The following CSMD3 variants were observed in gnomAD, a reference collection of about 807,000 sequenced individuals.
The protein encoded by CSMD3 is CUB and sushi domain-containing protein 3.
CSMD3 carries 177 observed loss-of-function variants against 435.2 expected under a neutral mutation model. The observed-to-expected ratio is 0.41, with a 90% CI of 0.36 to 0.46. The LOEUF (loss-of-function observed/expected upper bound fraction) is 0.46. Ranked by LOEUF, CSMD3 falls within the 20% of genes least tolerant of loss-of-function variation. The pLI is 0.34. For synonymous variants in CSMD3, 1,656 were observed against 1,520.5 expected (o/e 1.09, Z -2.07); for missense variants, 4,265 against 4,504.6 (o/e 0.95, Z 1.52).
chr8:113,383,487 A>C (rs772258709), intron 1 of CSMD3, among the ~76,000 whole-genome samples: 6 of 152,178 alleles, frequency 3.9e-5, no homozygotes, highest in Non-Finnish European at 8.8e-5. Context: ...AGCCTGGTTG[A>C]GTGGAAAGAG....
chr8:112,962,732 T>C (rs2084276877), intron 7 of CSMD3, among the ~76,000 whole-genome samples: 1 of 151,926 alleles, frequency 6.6e-6, no homozygotes, highest in African/African-American at 2.4e-5. Context: ...ACTGCTAATT[T>C]CATGGCTATT....
chr8:113,179,194 G>A (rs2092389457), intron 3 of CSMD3, among the ~76,000 whole-genome samples: 1 of 151,570 alleles, frequency 6.6e-6, no homozygotes, highest in East Asian at 1.9e-4. Context: ...TTATAAGACT[G>A]TTGATATTAT....
chr8:112,724,557 T>C (rs777650360), intron 13 of CSMD3, among the ~76,000 whole-genome samples: 14 of 152,002 alleles, frequency 9.2e-5, no homozygotes, highest in Non-Finnish European at 1.9e-4. Flanking sequence ...GAAAGCAGTT[T>C]GGTAAAAAAT....
chr8:113,280,810 T>A (rs72670738), intron 2 of CSMD3, among the ~76,000 whole-genome samples: 15,791 of 151,924 alleles, frequency 0.1, 953 homozygotes, highest in Middle Eastern at 0.17. Flanking sequence ...AACTTTCCTC[T>A]TAGCAATGCC....
At chr8:112,467,533 T>A (rs1051463415) in intron 32 of CSMD3, among the ~76,000 whole-genome samples, 2 of 151,706 alleles carry the variant, frequency 1.3e-5, no homozygotes, top group African/African-American at 4.9e-5. Flanking sequence ...TATGTATATA[T>A]ATAGTTCACC....
chr8:113,301,998 C>T (rs1278809148), intron 2 of CSMD3, among the ~76,000 whole-genome samples: 8 of 151,194 alleles, frequency 5.3e-5, no homozygotes, highest in Admixed American at 2.0e-4. Context: ...AGTAAAATGA[C>T]TCAATGAAAT....
intron 38 of CSMD3, among the ~76,000 whole-genome samples, chr8:112,369,104 T>C (rs1002739216): frequency 1.3e-5 from 2 of 152,118 alleles, no homozygotes; most frequent in African/African-American, 4.8e-5. Context: ...AAATGGCTAT[T>C]TACAATGTGG....
chr8:113,052,931 A>G (rs1280457456), intron 5 of CSMD3, among the ~76,000 whole-genome samples: 2 of 152,242 alleles, frequency 1.3e-5, no homozygotes, highest in African/African-American at 4.8e-5. Flanking sequence ...TATAAGTTTC[A>G]GGAATCAATT....
At chr8:113,355,591 G>A (rs1406484040) in intron 1 of CSMD3, among the ~76,000 whole-genome samples, 1 of 151,100 alleles carries the variant, frequency 6.6e-6, no homozygotes, top group African/African-American at 2.4e-5. Flanking sequence ...CGCGCTTCCT[G>A]GTACCATCAC....
chr8:112,849,775 C>T (rs2080432461), intron 11 of CSMD3, among the ~76,000 whole-genome samples: 1 of 151,794 alleles, frequency 6.6e-6, no homozygotes, highest in African/African-American at 2.4e-5. Context: ...TTTTGACTGG[C>T]TTAAGTAAAA....
At chr8:113,416,569 T>A (rs1467617775) in intron 1 of CSMD3, among the ~76,000 whole-genome samples, 1 of 152,126 alleles carries the variant, frequency 6.6e-6, no homozygotes, top group Non-Finnish European at 1.5e-5. Context: ...AGGTATTGAA[T>A]ACTAGTTTTA....
Position 112,289,306 on chromosome 8 carries a change from T to G in CSMD3, c.9148+59A>C, listed in dbSNP as rs1586664446. On this transcript the variant is annotated intron_variant, in intron 57 of 70. Transcript: ENST00000297405. ...GATTGTTTTGTGTATACGTTGCTAC[T>G]ACTACTACTAACAATAATGTAATTT... 24 of 1,326,748 alleles carry G rather than the reference T, an allele frequency of 1.8e-5. No individual in the cohort carries two copies. The East Asian group carries it at 5.3e-4, about 29-fold the overall frequency. 82.2% of individuals were successfully genotyped at this position (1,326,748 alleles called of 1,614,324 possible). A position where few individuals can be genotyped will look rare whatever the true frequency, so the allele number is the denominator to read the frequency against.
intron 32 of CSMD3, among the ~76,000 whole-genome samples, chr8:112,441,287 C>T (rs1193271010): frequency 1.3e-5 from 2 of 152,164 alleles, no homozygotes; most frequent in Non-Finnish European, 2.9e-5. Flanking sequence ...GAGACCACCG[C>T]AGCCTGGACT....
chr8:113,179,490 A>C (rs76783626), intron 3 of CSMD3, among the ~76,000 whole-genome samples: 126 of 151,914 alleles, frequency 8.3e-4, no homozygotes, highest in African/African-American at 2.9e-3. Context: ...CGAATCATAA[A>C]GGAAATCCAA....
rs114898394 is a variant in CSMD3, at chr8:112,729,946, A to G, written c.1973-39896T>C. On this transcript the variant is annotated intron_variant, in intron 13 of 70. Transcript: ENST00000297405. ...TGTTTTCAGCCAACAAGTTTGTGGT[A>G]AATACTAAGAAACTAGTGTACTTAG... 4.0e-3 allele frequency among the ~76,000 whole-genome samples: 612 copies of G among 152,218 alleles called. 3 individuals carry two copies. Among genetic ancestry groups the G allele is most frequent in the African/African-American group, 0.014 (581 of 41,572 alleles).
intron 5 of CSMD3, among the ~76,000 whole-genome samples, chr8:113,081,550 G>T (rs1177733770): frequency 1.3e-5 from 2 of 152,120 alleles, no homozygotes; most frequent in African/African-American, 4.8e-5. Context: ...GAGTTACCTG[G>T]AGTCTCTTGT....
chr8:112,541,961 T>G (rs1826704767), intron 27 of CSMD3, among the ~76,000 whole-genome samples: 1 of 152,022 alleles, frequency 6.6e-6, no homozygotes, highest in Non-Finnish European at 1.5e-5. Flanking sequence ...GTCGGATTTA[T>G]TCCTGGGACA....
chr8:113,101,771 GTTTAA>G (rs2090337179), intron 4 of CSMD3, among the ~76,000 whole-genome samples: 1 of 152,144 alleles, frequency 6.6e-6, no homozygotes, highest in Non-Finnish European at 1.5e-5. Context: ...CAACACTTCT[GTTTAA>G]TTTGTTTGTT....
At chr8:112,680,210 T>A (rs959514125) in intron 16 of CSMD3, among the ~76,000 whole-genome samples, 2 of 152,048 alleles carry the variant, frequency 1.3e-5, no homozygotes, top group Non-Finnish European at 2.9e-5. Flanking sequence ...CAAAAAAAAT[T>A]AGATGGGTGT....
Sources: allele counts gnomAD v4.1 joint callset (sites outside exome capture counted in the v4.1 genomes callset), GRCh38; gene constraint gnomAD v4.1.1; transcripts MANE v1.5; gene names NCBI Gene and HGNC (gene_info 2026-07-23, HGNC 2026-07-21).